Variants in CAMTA1 observed in about 807,000 individuals in gnomAD.
CAMTA1 encodes calmodulin-binding transcription activator 1.
CAMTA1 carries 27 observed loss-of-function variants against 170.9 expected under a neutral mutation model. The ratio of observed to expected loss-of-function variants is 0.16; its 90% CI spans 0.12 to 0.22. CAMTA1 has a LOEUF of 0.22. Among genes scored for constraint, CAMTA1 ranks in the 10% least tolerant of loss-of-function variants. The pLI, the probability that CAMTA1 is intolerant of heterozygous loss-of-function variation, is 1.00. For missense variants in CAMTA1, 1,619 were observed against 2,217.2 expected, an observed-to-expected ratio of 0.73 and a Z score of 5.42; for synonymous variants, 833 against 891.5, an observed-to-expected ratio of 0.93 and a Z score of 1.17.
intron 4 of CAMTA1, among the ~76,000 whole-genome samples, chr1:7,238,460 A>G (rs1043380068): frequency 9.2e-5 from 14 of 152,244 alleles, no homozygotes; most frequent in Admixed American, 7.9e-4. Flanking sequence ...TACGTGAAGA[A>G]TAGAACATGG....
rs1342827646 is a variant in CAMTA1, at chr1:7,435,863, C to CG, written c.439-31966dup. On this transcript the variant is annotated intron_variant, in intron 5 of 22. Coordinates refer to ENST00000303635, the MANE Select transcript of CAMTA1 (RefSeq NM_015215.4). The surrounding 1 kb of genome is among the most constrained non-coding windows in gnomAD (Gnocchi z 4.4). Reference sequence around the variant, plus strand: ...CCTTCTGGCAGGGCTTGCATGCCTCCGAGCTCACAGCATGACCCAGGGGCC... The same window carrying CG: ...CCTTCTGGCAGGGCTTGCATGCCTCCGGAGCTCACAGCATGACCCAGGGGCC... Among the ~76,000 whole-genome samples, 1 of 152,138 alleles carries CG rather than the reference C, an allele frequency of 6.6e-6. No homozygotes were observed. Among genetic ancestry groups the CG allele is most frequent in the Non-Finnish European group, 1.5e-5 (1 of 68,012 alleles).
chr1:7,478,859 T>G (rs2149607703), intron 6 of CAMTA1, among the ~76,000 whole-genome samples: 1 of 152,350 alleles, frequency 6.6e-6, no homozygotes, highest in South Asian at 2.1e-4. Context: ...CAGCTGACAT[T>G]GTGTCCTTAA....
chr1:7,683,100 G>A lies in CAMTA1; in HGVS notation c.2914+5367G>A, dbSNP rs1039769920. 3.3e-5 allele frequency among the ~76,000 whole-genome samples: 5 copies of A among 151,850 alleles called. No homozygotes were observed. The South Asian group carries it at 6.3e-4, about 19-fold the overall frequency. The stretch of plus-strand genomic sequence containing the variant: ...TGAGGCAGGAGAATGGCTTGAACCC[G>A]GGAGGCGGAGCTTGCAGCAAGCTGA... On this transcript the variant is annotated intron_variant, in intron 11 of 22. Transcript: ENST00000303635.
At chr1:7,403,842 G>A (rs2090096383) in intron 5 of CAMTA1, among the ~76,000 whole-genome samples, 1 of 152,146 alleles carries the variant, frequency 6.6e-6, no homozygotes, top group Non-Finnish European at 1.5e-5. Flanking sequence ...CCCCCCAAGG[G>A]ACGTACCAGG....
chr1:7,479,150 T>G (rs767716376), intron 6 of CAMTA1, among the ~76,000 whole-genome samples: 1 of 152,218 alleles, frequency 6.6e-6, no homozygotes, highest in Non-Finnish European at 1.5e-5. Flanking sequence ...GGAAGTCCCA[T>G]GACATGGTGT....
At chr1:7,272,125 A>G (rs1669895761) in intron 5 of CAMTA1, among the ~76,000 whole-genome samples, 1 of 152,190 alleles carries the variant, frequency 6.6e-6, no homozygotes, top group South Asian at 2.1e-4. Context: ...TCAAATTAAG[A>G]AAACAATTGC....
intron 6 of CAMTA1, among the ~76,000 whole-genome samples, chr1:7,468,829 G>A (rs895759195): frequency 6.6e-6 from 1 of 152,170 alleles, no homozygotes; most frequent in African/African-American, 2.4e-5. Flanking sequence ...ACCTGGCGGG[G>A]GTGTAGTTGG....
At chr1:6,890,287 T>C (rs952647078) in intron 3 of CAMTA1, among the ~76,000 whole-genome samples, 3 of 152,198 alleles carry the variant, frequency 2.0e-5, no homozygotes, top group African/African-American at 7.2e-5. Context: ...TGTGAGGGAA[T>C]TTCCAGGTGG....
At chr1:7,496,764 A>T (rs2093833783) in intron 6 of CAMTA1, among the ~76,000 whole-genome samples, 1 of 151,996 alleles carries the variant, frequency 6.6e-6, no homozygotes, top group Non-Finnish European at 1.5e-5. Context: ...GCCTCCCAGT[A>T]GGCAGGGGTC....
At chr1:7,538,519 C>A (rs560213726) in intron 6 of CAMTA1, among the ~76,000 whole-genome samples, 1 of 152,318 alleles carries the variant, frequency 6.6e-6, no homozygotes, top group African/African-American at 2.4e-5. Context: ...GGTGTGATGG[C>A]AAGTGCTTGT....
At chr1:6,922,245 T>G (rs945864489) in intron 3 of CAMTA1, among the ~76,000 whole-genome samples, 2 of 152,186 alleles carry the variant, frequency 1.3e-5, no homozygotes, top group African/African-American at 4.8e-5. Context: ...CAAAAGCAGG[T>G]GCAGAGGGAA....
chr1:7,585,561 C>T lies in CAMTA1; in HGVS notation c.511-54839C>T, dbSNP rs1487538691. Among the ~76,000 whole-genome samples, 1 of 152,144 alleles carries T rather than the reference C, an allele frequency of 6.6e-6. No homozygotes were observed. The highest frequency in any genetic ancestry group is 2.4e-5 in the African/African-American group (1 of 41,422). On this transcript the variant is annotated intron_variant, in intron 6 of 22. Transcript: ENST00000303635. This position sits in a 1 kb window ranked among gnomAD's most constrained non-coding sequence, Gnocchi z 4.8. The stretch of plus-strand genomic sequence containing the variant: ...TGGGCATTGTAAGGACTTGGGGTTT[C>T]ACCGTGAGTGTGGAGGGGAGCCAGT...
At chr1:6,926,132 A>G (rs1421833694) in intron 3 of CAMTA1, among the ~76,000 whole-genome samples, 1 of 152,264 alleles carries the variant, frequency 6.6e-6, no homozygotes, top group African/African-American at 2.4e-5. Flanking sequence ...AGTTACTCAA[A>G]GCCACTTGCT....
chr1:6,802,435 C>G (rs1412167775), intron 1 of CAMTA1, among the ~76,000 whole-genome samples: 1 of 152,152 alleles, frequency 6.6e-6, no homozygotes, highest in Non-Finnish European at 1.5e-5. Flanking sequence ...TTGGTTAGAT[C>G]CAGCAGCCTG....
At chr1:7,460,843 T>C (rs1265392140) in intron 5 of CAMTA1, among the ~76,000 whole-genome samples, 1 of 152,128 alleles carries the variant, frequency 6.6e-6, no homozygotes, top group African/African-American at 2.4e-5. Context: ...TGATTGCCTT[T>C]GTGTAGACAG....
chr1:7,762,304 A>T (rs1399187014), intron 22 of CAMTA1, among the ~76,000 whole-genome samples: 5 of 152,232 alleles, frequency 3.3e-5, no homozygotes, highest in Non-Finnish European at 7.3e-5. Context: ...ATTGGTAAAG[A>T]TTTATTTTTA....
chr1:7,101,274 A>T (rs1031462131), intron 4 of CAMTA1, among the ~76,000 whole-genome samples: 2 of 152,122 alleles, frequency 1.3e-5, no homozygotes, highest in Non-Finnish European at 2.9e-5. Context: ...ATCAATTCTG[A>T]TCTAATAAAT....
rs144055179 is a variant in CAMTA1, at chr1:7,721,911, G to A, written c.2915-10537G>A. Among the ~76,000 whole-genome samples, 126 of 152,244 alleles carry A rather than the reference G, an allele frequency of 8.3e-4. 1 individual carries two copies. In the Middle Eastern group the frequency reaches 0.02, roughly 25 times the overall value. ...TTACAAGTGTGAGCCACCACGCCCA[G>A]ACAGAGGAGGGACTTAATTTTTTAA... is the stretch of plus-strand genomic sequence containing the variant. On this transcript the variant is annotated intron_variant, in intron 11 of 22. Coordinates refer to ENST00000303635, the MANE Select transcript of CAMTA1 (RefSeq NM_015215.4).
chr1:6,887,661 C>A lies in CAMTA1; in HGVS notation c.234+62451C>A, dbSNP rs1673606253. On this transcript the variant is annotated intron_variant, in intron 3 of 22. Transcript: ENST00000303635. The surrounding 1 kb of genome is among the most constrained non-coding windows in gnomAD (Gnocchi z 4.1). ...TACACCTATTTATTTCAGGCTCTCA[C>A]CACACACTTGTTCATGGGCGCAGCA... The A allele has an allele frequency of 1.3e-6, 2 of 1,535,076 alleles. 1 individual carries two copies. The highest frequency in any genetic ancestry group is 2.4e-5 in the South Asian group (2 of 84,048).
Sources: allele counts gnomAD v4.1 joint callset (sites outside exome capture counted in the v4.1 genomes callset), GRCh38; gene constraint gnomAD v4.1.1; non-coding constraint Gnocchi (gnomAD v3.1); transcripts MANE v1.5; gene names NCBI Gene and HGNC (gene_info 2026-07-23, HGNC 2026-07-21).